The following LRRFIP2 variants were observed in gnomAD, a reference collection of about 807,000 sequenced individuals.
LRRFIP2 encodes the protein LRR binding FLII interacting protein 2.
A neutral mutation model predicts 125.9 loss-of-function variants in LRRFIP2; 109 were observed. That is an observed-to-expected ratio of 0.87 (90% CI 0.74 to 1.01). The LOEUF (loss-of-function observed/expected upper bound fraction) is 1.01, where lower values mean the gene tolerates loss of function less well. LRRFIP2 is among the 50% of genes least tolerant of loss of function. The pLI is 0.00. For missense variants in LRRFIP2, 850 were observed against 862.3 expected (o/e 0.99, Z 0.18); for synonymous variants, 291 against 293.1 (o/e 0.99, Z 0.07).
intron 21 of LRRFIP2, among the ~76,000 whole-genome samples, chr3:37,071,307 G>T (rs540218106): frequency 6.6e-6 from 1 of 152,130 alleles, no homozygotes; most frequent in Non-Finnish European, 1.5e-5. Flanking sequence ...AGCCTCCATC[G>T]TGTGGGCTCC....
intron 21 of LRRFIP2, chr3:37,066,671 G>A (rs1315907410): frequency 1.1e-5 from 2 of 189,338 alleles, no homozygotes; most frequent in Non-Finnish European, 2.2e-5. Context: ...TTTCCTTACT[G>A]ACTGCCTAAG....
At chr3:37,154,101 G>A (rs892920550) in intron 1 of LRRFIP2, among the ~76,000 whole-genome samples, 1 of 152,088 alleles carries the variant, frequency 6.6e-6, no homozygotes, top group Non-Finnish European at 1.5e-5. Context: ...TGTGAGCCAA[G>A]GGAGGTCAAG....
chr3:37,082,260 TA>T (rs1219258034), intron 19 of LRRFIP2, among the ~76,000 whole-genome samples: 3 of 152,142 alleles, frequency 2.0e-5, no homozygotes, highest in African/African-American at 7.2e-5. Context: ...ATCAAAGATA[TA>T]CATATCTAGC....
At chr3:37,142,899 T>TA (rs2095748680) in intron 2 of LRRFIP2, among the ~76,000 whole-genome samples, 1 of 152,212 alleles carries the variant, frequency 6.6e-6, no homozygotes, top group Non-Finnish European at 1.5e-5. Context: ...CTCTTCCAAA[T>TA]ATCATGTTGA....
chr3:37,163,637 T>G (rs993518426), intron 1 of LRRFIP2, among the ~76,000 whole-genome samples: 3 of 152,216 alleles, frequency 2.0e-5, no homozygotes, highest in African/African-American at 7.2e-5. Flanking sequence ...ATAAATTTTG[T>G]GTTAAAAACC....
At chr3:37,107,301 A>G (rs1329367061) in intron 13 of LRRFIP2, among the ~76,000 whole-genome samples, 2 of 152,224 alleles carry the variant, frequency 1.3e-5, no homozygotes, top group Non-Finnish European at 2.9e-5. Flanking sequence ...CATGAAGTGG[A>G]AAAACTAAGG....
chr3:37,164,320 A>G (rs1257851729), intron 1 of LRRFIP2, among the ~76,000 whole-genome samples: 1 of 152,230 alleles, frequency 6.6e-6, no homozygotes. Context: ...AGGGAGGGAA[A>G]GTGGGATGAA....
chr3:37,126,814 G>A (rs1187631083), intron 4 of LRRFIP2, among the ~76,000 whole-genome samples: 1 of 150,986 alleles, frequency 6.6e-6, no homozygotes. Context: ...AGCTGAGATT[G>A]TGCCACTGAA....
At chr3:37,145,419 T>C (rs541723678) in intron 2 of LRRFIP2, among the ~76,000 whole-genome samples, 1 of 152,310 alleles carries the variant, frequency 6.6e-6, no homozygotes, top group South Asian at 2.1e-4. Context: ...ATATAAATAC[T>C]TGTGAGAGGG....
chr3:37,114,273 C>T (rs1021991265), intron 7 of LRRFIP2, among the ~76,000 whole-genome samples: 1 of 152,092 alleles, frequency 6.6e-6, no homozygotes, highest in Non-Finnish European at 1.5e-5. Context: ...AAAAAACTAA[C>T]CAAATCAAAC....
chr3:37,060,916 T>TA lies in LRRFIP2; in HGVS notation c.1750-2007dup, dbSNP rs1301842200. ...TCTCAATTTCTGGTATATCTCCTCT[T>TA]ACGGTTTGGATGTCTGTCCCCTCCA... On this transcript the variant is annotated intron_variant, in intron 24 of 27. Coordinates refer to ENST00000336686, the MANE Select transcript of LRRFIP2 (RefSeq NM_006309.4). The surrounding 1 kb of genome is among the most constrained non-coding windows in gnomAD (Gnocchi z 4.1). 1.3e-5 allele frequency among the ~76,000 whole-genome samples: 2 copies of TA among 152,160 alleles called. No homozygotes were observed. Among genetic ancestry groups the TA allele is most frequent in the African/African-American group, 4.8e-5 (2 of 41,434 alleles).
At chr3:37,077,194 T>G (rs1475494346) in intron 19 of LRRFIP2, among the ~76,000 whole-genome samples, 2 of 152,198 alleles carry the variant, frequency 1.3e-5, no homozygotes, top group Non-Finnish European at 1.5e-5. Context: ...TCATCATAGA[T>G]ACATTGGCAA....
At chr3:37,169,930 C>T (rs911903635) in intron 1 of LRRFIP2, among the ~76,000 whole-genome samples, 22 of 152,288 alleles carry the variant, frequency 1.4e-4, no homozygotes, top group African/African-American at 5.3e-4. Context: ...TCTTTCACTG[C>T]TGCTTTTTAT....
intron 1 of LRRFIP2, among the ~76,000 whole-genome samples, chr3:37,171,769 C>T (rs1426618168): frequency 6.6e-6 from 1 of 151,952 alleles, no homozygotes; most frequent in Non-Finnish European, 1.5e-5. Flanking sequence ...ATATAGTAGC[C>T]GACTTATGCA....
At chr3:37,165,159 T>A (rs995773293) in intron 1 of LRRFIP2, among the ~76,000 whole-genome samples, 2 of 149,816 alleles carry the variant, frequency 1.3e-5, no homozygotes, top group African/African-American at 4.9e-5. Flanking sequence ...GGCGTGAACC[T>A]GGGAGGCGGA....
At chr3:37,101,525 C>T (rs377677031) in intron 15 of LRRFIP2, among the ~76,000 whole-genome samples, 42 of 151,914 alleles carry the variant, frequency 2.8e-4, no homozygotes, top group Admixed American at 7.2e-4. Context: ...ATTAGCTGGG[C>T]GTGATGACAC....
chr3:37,091,499 C>G lies in LRRFIP2; in HGVS notation c.1075G>C (p.Gly359Arg). 6.2e-7 allele frequency: 1 copy of G among 1,612,484 alleles called. No homozygotes were observed. The highest frequency in any genetic ancestry group is 1.3e-5 in the African/African-American group (1 of 74,972). ...DLKDQIQDVE[G>R]RYMQGLKELK... is the part of the protein sequence containing the mutation. ...TCTTTAAGCCCCTGCATGTATCTCC[C>G]TTCTACATCCTGTATCTGGTCCTTA... The change falls in exon 18 of 28, where the codon GGG becomes CGG. Residue 359 changes from glycine to arginine, a missense_variant. Transcript: ENST00000336686.
chr3:37,094,134 T>C (rs1428105533), intron 17 of LRRFIP2, among the ~76,000 whole-genome samples: 1 of 152,180 alleles, frequency 6.6e-6, no homozygotes, highest in African/African-American at 2.4e-5. Context: ...CCAGAACATA[T>C]TTTGCCTCTT....
chr3:37,103,073 A>G (rs1013141925), intron 14 of LRRFIP2, 60 bp from the exon 15 acceptor site: 1 of 1,341,394 alleles, frequency 7.5e-7, no homozygotes, highest in African/African-American at 1.5e-5. Flanking sequence ...AGAAAAAAAT[A>G]AGAACATTGG....
Sources: gnomAD v4.1 joint callset for allele counts (sites outside exome capture counted in the v4.1 genomes callset) on GRCh38, gnomAD v4.1.1 for gene constraint, Gnocchi (gnomAD v3.1) non-coding constraint, MANE v1.5 for transcripts, NCBI Gene and HGNC (gene_info 2026-07-23, HGNC 2026-07-21) for gene names.